The following PLSCR2 variants were observed in gnomAD, a reference collection of about 807,000 sequenced individuals.
The protein encoded by PLSCR2 is phospholipid scramblase 2.
In PLSCR2, 18 loss-of-function variants were observed where a neutral mutation model predicts 25.3. The ratio of observed to expected loss-of-function variants is 0.71; its 90% CI spans 0.49 to 1.06. The LOEUF (loss-of-function observed/expected upper bound fraction) is 1.06. PLSCR2 is among the 50% of genes least tolerant of loss of function. PLSCR2 has a pLI of 0.00. For synonymous variants in PLSCR2, 88 were observed against 87.3 expected (o/e 1.01, Z -0.04); for missense variants, 243 against 269.5 (o/e 0.90, Z 0.69).
chr3:146,405,408 CT>C (rs1173992632), intron 2 of PLSCR2, among the ~76,000 whole-genome samples: 1 of 151,984 alleles, frequency 6.6e-6, no homozygotes, highest in Non-Finnish European at 1.5e-5. Context: ...AAGTTAAGTC[CT>C]TGAGGAAGGG....
Position 146,459,845 on chromosome 3 carries a change from T to C in PLSCR2, c.57+3A>G. The C allele has an allele frequency of 6.3e-7, 1 of 1,591,578 alleles. No individual in the cohort carries two copies. On this transcript the variant is annotated splice_donor_region_variant and intron_variant, in intron 2 of 6. Coordinates refer to ENST00000610787, the Ensembl canonical transcript of PLSCR2. ...TCTGAGTATTTTACGTATTTGAAAT[T>C]ACCTGACTTAAGTATTCCAATCCTG... is the stretch of plus-strand genomic sequence containing the variant.
Position 146,443,486 on chromosome 3 carries a change from G to A in PLSCR2, c.646-1665C>T, listed in dbSNP as rs118161270. ...TTAGATTTTTTCATGGTTCAGTCTC[G>A]GTAGACAATATGTGTCTAGAAATTT... On this transcript the variant is annotated intron_variant, in intron 6 of 6. Transcript: ENST00000610787. Among the ~76,000 whole-genome samples the A allele has an allele frequency of 3.3e-5, 5 of 151,888 alleles. No individual in the cohort carries two copies. The East Asian group carries it at 9.7e-4, about 29-fold the overall frequency.
chr3:146,413,853 A>G (rs1262211828), intron 2 of PLSCR2, among the ~76,000 whole-genome samples: 1 of 152,148 alleles, frequency 6.6e-6, no homozygotes, highest in East Asian at 1.9e-4. Flanking sequence ...GCCTCTACCC[A>G]TGACCCAGTT....
chr3:146,463,858 A>G, upstream of PLSCR2: 1 of 979,382 alleles, frequency 1.0e-6, no homozygotes, highest in South Asian at 4.7e-5. Flanking sequence ...ATTATTTTTT[A>G]TGATTACCAA....
intron 1 of PLSCR2, among the ~76,000 whole-genome samples, chr3:146,489,680 C>T (rs759260748): frequency 6.6e-5 from 10 of 152,104 alleles, no homozygotes; most frequent in African/African-American, 1.4e-4. Flanking sequence ...GTTCCAGAAA[C>T]TATATAAAGA....
chr3:146,477,266 C>A (rs1488592536), intron 1 of PLSCR2, among the ~76,000 whole-genome samples: 1 of 152,150 alleles, frequency 6.6e-6, no homozygotes, highest in Non-Finnish European at 1.5e-5. Context: ...GAGGGTGACC[C>A]AAAGCAGGGC....
intron 1 of PLSCR2, among the ~76,000 whole-genome samples, chr3:146,479,377 A>G (rs972595879): frequency 6.6e-6 from 1 of 152,210 alleles, no homozygotes. Flanking sequence ...CATAGGCTCA[A>G]AATAAAGGGA....
At chr3:146,481,267 C>G (rs141709077) in intron 1 of PLSCR2, among the ~76,000 whole-genome samples, 1 of 152,098 alleles carries the variant, frequency 6.6e-6, no homozygotes, top group African/African-American at 2.4e-5. Context: ...AAAGGGTATT[C>G]AATTAGGAAA....
chr3:146,400,755 T>C (rs986303823), intron 2 of PLSCR2, among the ~76,000 whole-genome samples: 1 of 151,786 alleles, frequency 6.6e-6, no homozygotes, highest in African/African-American at 2.4e-5. Context: ...TATGCCAATA[T>C]TATATTGTCC....
chr3:146,483,620 T>G (rs1163999284), intron 1 of PLSCR2, among the ~76,000 whole-genome samples: 1 of 150,284 alleles, frequency 6.7e-6, no homozygotes, highest in African/African-American at 2.5e-5. Flanking sequence ...GGGTGATGTA[T>G]CTAAGTGAGG....
intron 1 of PLSCR2, among the ~76,000 whole-genome samples, chr3:146,493,168 A>G (rs2043612518): frequency 6.6e-6 from 1 of 152,098 alleles, no homozygotes; most frequent in Non-Finnish European, 1.5e-5. Context: ...GTAATAAAAA[A>G]CCTACCAACA....
At chr3:146,452,704 T>G (rs747076013) in intron 5 of PLSCR2, among the ~76,000 whole-genome samples, 6 of 152,128 alleles carry the variant, frequency 3.9e-5, no homozygotes, top group Non-Finnish European at 8.8e-5. Context: ...GTTTCACAAT[T>G]TTTTAGTGAT....
At chr3:146,407,833 C>T (rs1243805721) in intron 2 of PLSCR2, among the ~76,000 whole-genome samples, 1 of 152,124 alleles carries the variant, frequency 6.6e-6, no homozygotes, top group South Asian at 2.1e-4. Flanking sequence ...ACTCGCCTTT[C>T]GTACTCCTTG....
downstream of PLSCR2, among the ~76,000 whole-genome samples, chr3:146,432,084 TG>T (rs2039567500): frequency 6.6e-6 from 1 of 152,206 alleles, no homozygotes; most frequent in Non-Finnish European, 1.5e-5. Flanking sequence ...TAAAATAATT[TG>T]AGGGAAAATA....
At chr3:146,478,113 A>G (rs2042987028) in intron 1 of PLSCR2, among the ~76,000 whole-genome samples, 3 of 152,204 alleles carry the variant, frequency 2.0e-5, no homozygotes, top group Admixed American at 2.0e-4. Context: ...GGTCACCAAC[A>G]TCAAAGACCA....
At chr3:146,415,312 T>C (rs1354058716) in intron 2 of PLSCR2, 1 of 152,376 alleles carries the variant, frequency 6.6e-6, no homozygotes, top group South Asian at 2.1e-4. Context: ...GTCACTTGTC[T>C]TGTATATCAT....
chr3:146,435,376 A>G (rs2039779288), intron 8 of PLSCR2, among the ~76,000 whole-genome samples: 1 of 152,196 alleles, frequency 6.6e-6, no homozygotes, highest in Non-Finnish European at 1.5e-5. Flanking sequence ...GAACTAGTTT[A>G]CAGTCCCACC....
intron 1 of PLSCR2, among the ~76,000 whole-genome samples, chr3:146,493,561 G>A (rs546530825): frequency 3.9e-5 from 6 of 151,960 alleles, no homozygotes; most frequent in South Asian, 2.1e-4. Context: ...CATAAAAAAG[G>A]CTTTTGATAA....
At chr3:146,418,662 T>C (rs2039058057) in intron 2 of PLSCR2, among the ~76,000 whole-genome samples, 1 of 152,204 alleles carries the variant, frequency 6.6e-6, no homozygotes. Flanking sequence ...TTCAGGATTC[T>C]GCCCTCTTGT....
Sources: gnomAD v4.1 joint callset for allele counts (sites outside exome capture counted in the v4.1 genomes callset) on GRCh38, gnomAD v4.1.1 for gene constraint, MANE v1.5 for transcripts, NCBI Gene and HGNC (gene_info 2026-07-23, HGNC 2026-07-21) for gene names.